Variants in NAV1 observed in about 807,000 individuals in gnomAD.
NAV1 encodes the protein pore membrane and/or filament interacting like protein 3.
A neutral mutation model predicts 175.2 loss-of-function variants in NAV1; 18 were observed. The observed-to-expected ratio is 0.10, with a 90% CI of 0.07 to 0.15. The LOEUF (loss-of-function observed/expected upper bound fraction) is 0.15. NAV1 is among the 10% of genes least tolerant of loss of function. NAV1 has a pLI of 1.00. For synonymous variants in NAV1, 897 were observed against 978.7 expected (o/e 0.92, Z 1.56); for missense variants, 1,731 against 2,436.6 (o/e 0.71, Z 6.10).
intron 1 of NAV1, among the ~76,000 whole-genome samples, chr1:201,540,077 T>G (rs1665463323): frequency 6.6e-6 from 1 of 152,092 alleles, no homozygotes; most frequent in Admixed American, 6.5e-5. Context: ...CGATAAAAAC[T>G]GGTCATAGGA....
intron 3 of NAV1, among the ~76,000 whole-genome samples, chr1:201,753,763 G>C (rs1674283858): frequency 1.3e-5 from 2 of 152,146 alleles, no homozygotes; most frequent in Admixed American, 6.5e-5. Context: ...CTCCACATAG[G>C]AGCACATTCC....
intron 16 of NAV1, chr1:201,804,212 G>A (rs893820644): frequency 7.3e-6 from 4 of 545,136 alleles, no homozygotes; most frequent in African/African-American, 3.8e-5. Context: ...TTTTGTACGT[G>A]TGGTTTTTTT....
intron 3 of NAV1, among the ~76,000 whole-genome samples, chr1:201,763,816 T>A (rs995502078): frequency 3.3e-5 from 5 of 152,216 alleles, no homozygotes; most frequent in African/African-American, 1.2e-4. Context: ...ATAAAATATA[T>A]TGATACCTCT....
intron 2 of NAV1, among the ~76,000 whole-genome samples, chr1:201,636,766 GCCCC>G (rs1668629270): frequency 6.6e-6 from 1 of 152,206 alleles, no homozygotes; most frequent in Admixed American, 6.5e-5. Flanking sequence ...GGAAAGCTCA[GCCCC>G]AGTGGAAGTG....
chr1:201,631,099 A>G (rs968768814), intron 2 of NAV1, among the ~76,000 whole-genome samples: 1 of 152,140 alleles, frequency 6.6e-6, no homozygotes, highest in African/African-American at 2.4e-5. Context: ...GAACATTTGG[A>G]GGAGGGTTTT....
At chr1:201,691,583 A>G (rs976574114) in intron 1 of NAV1, among the ~76,000 whole-genome samples, 7 of 152,232 alleles carry the variant, frequency 4.6e-5, no homozygotes, top group Non-Finnish European at 8.8e-5. Context: ...AGCATCAGCA[A>G]AAGCTCAGAG....
intron 1 of NAV1, among the ~76,000 whole-genome samples, chr1:201,669,050 G>A (rs1241080952): frequency 6.6e-6 from 1 of 152,210 alleles, no homozygotes; most frequent in Non-Finnish European, 1.5e-5. Flanking sequence ...TTGGGACCCT[G>A]TGTAGCACTG....
chr1:201,667,308 G>A (rs1669862646), intron 1 of NAV1, among the ~76,000 whole-genome samples: 2 of 152,166 alleles, frequency 1.3e-5, no homozygotes, highest in Non-Finnish European at 2.9e-5. Context: ...ACACACAGCT[G>A]GTTCTTGAAA....
chr1:201,659,409 A>C (rs891337830), intron 1 of NAV1, among the ~76,000 whole-genome samples: 8 of 152,234 alleles, frequency 5.3e-5, no homozygotes, highest in Non-Finnish European at 7.3e-5. Flanking sequence ...TGAGCCCAGG[A>C]ATTCAAGACC....
intron 15 of NAV1, among the ~76,000 whole-genome samples, chr1:201,803,016 T>G (rs1369207162): frequency 6.6e-6 from 1 of 152,228 alleles, no homozygotes. Flanking sequence ...ATTTCTATTC[T>G]TTCAGTACTC....
At chr1:201,785,282 C>CTCTT in intron 7 of NAV1, 28 bp from the exon 12 acceptor site, 3 of 1,474,656 alleles carry the variant, frequency 2.0e-6, no homozygotes, top group Admixed American at 2.0e-5. Context: ...CTCTCTCTCT[C>CTCTT]TTTTTTTTTT....
intron 1 of NAV1, among the ~76,000 whole-genome samples, chr1:201,701,047 T>C (rs923932405): frequency 1.7e-5 from 2 of 114,614 alleles, no homozygotes; most frequent in African/African-American, 6.5e-5. Flanking sequence ...GAAAAGAAAA[T>C]GTGGCACTTG....
At chr1:201,819,676 G>A (rs11803449) in intron 29 of NAV1, among the ~76,000 whole-genome samples, 161 bp from the exon 34 acceptor site, 43,100 of 151,694 alleles carry the variant, frequency 0.28, 6,172 homozygotes, top group East Asian at 0.38. Context: ...GTAGAGTCAG[G>A]GTCTCTCTTT....
intron 1 of NAV1, among the ~76,000 whole-genome samples, chr1:201,670,519 CTG>C (rs1669998535): frequency 6.7e-6 from 1 of 150,054 alleles, no homozygotes; most frequent in Non-Finnish European, 1.5e-5. Flanking sequence ...GTGGTGGTAA[CTG>C]TGGCAGCAGC....
chr1:201,815,331 C>T (rs970069197), intron 28 of NAV1, among the ~76,000 whole-genome samples: 1 of 152,022 alleles, frequency 6.6e-6, no homozygotes, highest in Non-Finnish European at 1.5e-5. Flanking sequence ...CTCTTGAGAC[C>T]AGGAGTTAAA....
At chr1:201,578,281 A>G (rs1666749794) in intron 1 of NAV1, among the ~76,000 whole-genome samples, 1 of 152,150 alleles carries the variant, frequency 6.6e-6, no homozygotes, top group African/African-American at 2.4e-5. Context: ...GATCCCATCC[A>G]CTGAGATCAA....
At chr1:201,734,192 G>A (rs1057414603) in intron 3 of NAV1, among the ~76,000 whole-genome samples, 1 of 152,036 alleles carries the variant, frequency 6.6e-6, no homozygotes, top group African/African-American at 2.4e-5. Context: ...CGGATTGCTT[G>A]AGCCCAGGAG....
exon 16 of NAV1, chr1:201,803,658 T>C (rs1196512312): frequency 6.2e-7 from 1 of 1,613,482 alleles, no homozygotes; most frequent in Admixed American, 1.7e-5. Flanking sequence ...CACTAGCCAT[T>C]CCAGCATCGG....
Position 201,684,475 on chromosome 1 carries a change from C to CTTT in NAV1, c.758-28327_758-28325dup, listed in dbSNP as rs71138346. 2.6e-3 allele frequency among the ~76,000 whole-genome samples: 338 copies of CTTT among 127,828 alleles called. 6 individuals carry two copies. Among genetic ancestry groups the CTTT allele is most frequent in the African/African-American group, 9.2e-3 (315 of 34,128 alleles). 83.9% of individuals were successfully genotyped at this position (127,828 alleles called of 152,430 possible). A position where few individuals can be genotyped will look rare whatever the true frequency, so the allele number is the denominator to read the frequency against. On this transcript the variant is annotated intron_variant, in intron 1 of 29. Transcript: ENST00000367296. Reference sequence around the variant, plus strand: ...TCTAAACTTTCTTCCTTTATGCAGCCTTTTTTTTTTTTTTTTTAGACAGAG... The same window carrying CTTT: ...TCTAAACTTTCTTCCTTTATGCAGCCTTTTTTTTTTTTTTTTTTTTAGACAGAG...
Sources: gnomAD v4.1 joint callset for allele counts (sites outside exome capture counted in the v4.1 genomes callset) on GRCh38, gnomAD v4.1.1 for gene constraint, MANE v1.5 for transcripts, NCBI Gene and HGNC (gene_info 2026-07-23, HGNC 2026-07-21) for gene names.